VSIG1: variants seen among roughly 807,000 people sequenced by gnomAD.
VSIG1 encodes V-set and immunoglobulin domain-containing protein 1.
Under a neutral mutation model 20.1 loss-of-function variants are expected in VSIG1, and 11 were observed. That is an observed-to-expected ratio of 0.55 (90% confidence interval 0.34 to 0.91). The LOEUF (loss-of-function observed/expected upper bound fraction) is 0.91, where lower values mean the gene tolerates loss of function less well. Ranked by LOEUF, VSIG1 falls within the 40% of genes least tolerant of loss-of-function variation. The pLI, the probability that VSIG1 is intolerant of heterozygous loss-of-function variation, is 0.02. For synonymous variants in VSIG1, 126 were observed against 116.7 expected (o/e 1.08, Z -0.52); for missense variants, 283 against 298.8 (o/e 0.95, Z 0.39).
At chrX:108,023,784 G>A in the VSIG1 span, among the ~76,000 whole-genome samples, 2 of 112,051 alleles carry the variant, frequency 1.8e-5, no homozygotes, top group African/African-American at 6.5e-5. Context: ...TTAGGAGGCA[G>A]AAATAAATGA....
intron 1 of VSIG1, among the ~76,000 whole-genome samples, chrX:108,045,988 C>T (rs374699868): frequency 9.0e-6 from 1 of 110,944 alleles, no homozygotes; most frequent in African/African-American, 3.3e-5. Flanking sequence ...AGAAAATACC[C>T]ACGATAAAAT....
At chrX:108,067,175 G>A (rs1345563416) in intron 3 of VSIG1, 41 bp downstream of exon 3, 5 of 1,174,809 alleles carry the variant, frequency 4.3e-6, no homozygotes. Flanking sequence ...CTTGGAAAAA[G>A]TTAGGACACT....
At chrX:108,039,106 A>G in the VSIG1 span, among the ~76,000 whole-genome samples, 1 of 111,485 alleles carries the variant, frequency 9.0e-6, no homozygotes, top group African/African-American at 3.3e-5. Flanking sequence ...ATTGCCCCCC[A>G]TCAACCACCT....
chrX:108,054,692 AAC>A (rs2030857210), intron 1 of VSIG1, among the ~76,000 whole-genome samples: 1 of 111,077 alleles, frequency 9.0e-6, no homozygotes, highest in Non-Finnish European at 1.9e-5. Context: ...GAAATTAAAC[AAC>A]ACTGTTCTAA....
intron 3 of VSIG1, among the ~76,000 whole-genome samples, chrX:108,070,137 T>C (rs1048382522): frequency 8.9e-6 from 1 of 112,870 alleles, no homozygotes; most frequent in Non-Finnish European, 1.9e-5. Flanking sequence ...ATGAGCATCA[T>C]CTACCTTCCG....
chrX:108,054,570 C>T (rs2030853086), intron 1 of VSIG1, among the ~76,000 whole-genome samples: 1 of 110,760 alleles, frequency 9.0e-6, no homozygotes, highest in Admixed American at 9.7e-5. Context: ...ATGTGCTTGG[C>T]CGTAAAACAA....
At chrX:108,020,539 G>A in the VSIG1 span, among the ~76,000 whole-genome samples, 1 of 111,365 alleles carries the variant, frequency 9.0e-6, no homozygotes, top group Admixed American at 9.5e-5. Flanking sequence ...AGGAGGTCTT[G>A]GTTTTGTGTT....
chrX:108,065,755 T>C (rs183469587), intron 2 of VSIG1, among the ~76,000 whole-genome samples: 50 of 112,502 alleles, frequency 4.4e-4, no homozygotes, highest in South Asian at 7.4e-4. Context: ...TTTAATGTGC[T>C]AGATTTTTCT....
At chrX:108,047,943 T>TATATATATACAC (rs2030668372) in intron 1 of VSIG1, among the ~76,000 whole-genome samples, 4 of 33,356 alleles carry the variant, frequency 1.2e-4, no homozygotes, top group Non-Finnish European at 1.4e-4. Flanking sequence ...TACACATATA[T>TATATATATACAC]ATATATATAT....
upstream of VSIG1, among the ~76,000 whole-genome samples, chrX:108,043,042 C>T (rs773706883): frequency 2.6e-4 from 29 of 111,245 alleles, no homozygotes; most frequent in African/African-American, 6.2e-4. Context: ...GAGACTCTCC[C>T]TTAGGGCAAA....
At chrX:108,025,316 G>A in the VSIG1 span, among the ~76,000 whole-genome samples, 32 of 111,964 alleles carry the variant, frequency 2.9e-4, no homozygotes, top group Middle Eastern at 4.6e-3. Context: ...AGAGAATAAA[G>A]TATTTTAATT....
the VSIG1 span, among the ~76,000 whole-genome samples, chrX:108,023,624 T>A: frequency 8.9e-6 from 1 of 111,788 alleles, no homozygotes; most frequent in African/African-American, 3.3e-5. Context: ...AGTGTCTCAA[T>A]TGTACCCACA....
chrX:108,060,326 C>T (rs1408219280), intron 2 of VSIG1, among the ~76,000 whole-genome samples: 1 of 111,272 alleles, frequency 9.0e-6, no homozygotes, highest in Non-Finnish European at 1.9e-5. Flanking sequence ...AAAACATGCT[C>T]TCTGATCTTA....
intron 1 of VSIG1, among the ~76,000 whole-genome samples, chrX:108,052,689 C>T (rs1216386792): frequency 9.0e-6 from 1 of 111,095 alleles, no homozygotes; most frequent in Non-Finnish European, 1.9e-5. Context: ...TTAATTAGCT[C>T]GATGTAATTA....
chrX:108,022,943 A>G, the VSIG1 span, among the ~76,000 whole-genome samples: 1 of 111,706 alleles, frequency 9.0e-6, no homozygotes, highest in African/African-American at 3.3e-5. Context: ...ATCTGCCCCC[A>G]CTTCACCTTC....
At chrX:108,049,542 G>A (rs2030740428) in intron 1 of VSIG1, among the ~76,000 whole-genome samples, 1 of 111,972 alleles carries the variant, frequency 8.9e-6, no homozygotes, top group African/African-American at 3.3e-5. Flanking sequence ...CTTTTTCCAA[G>A]AGTGGTCTTC....
the VSIG1 span, among the ~76,000 whole-genome samples, chrX:108,031,662 T>C: frequency 6.2e-5 from 7 of 112,365 alleles, no homozygotes; most frequent in African/African-American, 1.3e-4. Context: ...GCCACCAAAT[T>C]TAAAGGAATA....
chrX:108,042,290 T>A (rs1317320416), upstream of VSIG1, among the ~76,000 whole-genome samples: 3 of 111,673 alleles, frequency 2.7e-5, no homozygotes, highest in African/African-American at 9.8e-5. Context: ...TTGGGCAATA[T>A]CCTTAAATCA....
chrX:108,033,123 C>G, the VSIG1 span, among the ~76,000 whole-genome samples: 1 of 111,218 alleles, frequency 9.0e-6, no homozygotes, highest in African/African-American at 3.3e-5. Flanking sequence ...CTGTGCACCT[C>G]CGCCTAGTTG....
Sources: gnomAD v4.1 joint callset for allele counts (sites outside exome capture counted in the v4.1 genomes callset) on GRCh38, gnomAD v4.1.1 for gene constraint, MANE v1.5 for transcripts, NCBI Gene and HGNC (gene_info 2026-07-23, HGNC 2026-07-21) for gene names.